MARCHF1: variants seen among roughly 807,000 people sequenced by gnomAD.
MARCHF1 encodes E3 ubiquitin-protein ligase MARCHF1.
MARCHF1 carries 40 observed loss-of-function variants against 54.2 expected under a neutral mutation model. The ratio of observed to expected loss-of-function variants is 0.74; its 90% confidence interval spans 0.57 to 0.96. The LOEUF (loss-of-function observed/expected upper bound fraction) is 0.96, where lower values mean the gene tolerates loss of function less well. Ranked by LOEUF, MARCHF1 falls within the 40% of genes least tolerant of loss-of-function variation. The pLI, the probability that MARCHF1 is intolerant of heterozygous loss-of-function variation, is 0.00. For synonymous variants in MARCHF1, 236 were observed against 236.3 expected (o/e 1.00, Z 0.01); for missense variants, 586 against 656.5 (o/e 0.89, Z 1.17).
At chr4:163,620,920 A>T (rs1361811505) in intron 5 of MARCHF1, among the ~76,000 whole-genome samples, 4 of 152,212 alleles carry the variant, frequency 2.6e-5, no homozygotes, top group African/African-American at 9.6e-5. Flanking sequence ...TTCTTTGGTC[A>T]CGTTGATGAT....
chr4:164,019,209 C>A (rs530273993), intron 2 of MARCHF1, among the ~76,000 whole-genome samples: 1 of 152,276 alleles, frequency 6.6e-6, no homozygotes, highest in African/African-American at 2.4e-5. Context: ...TCCTCTTTAG[C>A]TATAACACCT....
intron 3 of MARCHF1, among the ~76,000 whole-genome samples, chr4:163,873,088 CAAA>C (rs11445016): frequency 2.0e-4 from 30 of 150,644 alleles, no homozygotes; most frequent in Admixed American, 9.2e-4. Flanking sequence ...AACAAACAAA[CAAA>C]AAAAATGATG....
chr4:163,792,235 C>T (rs1172157931), intron 4 of MARCHF1, among the ~76,000 whole-genome samples: 1 of 152,090 alleles, frequency 6.6e-6, no homozygotes, highest in African/African-American at 2.4e-5. Context: ...TTTGTCTTCA[C>T]GTTCTTTTAG....
intron 2 of MARCHF1, among the ~76,000 whole-genome samples, chr4:164,091,416 A>G (rs1331266365): frequency 1.4e-5 from 2 of 146,298 alleles, no homozygotes; most frequent in African/African-American, 5.0e-5. Flanking sequence ...AGTTTTATAT[A>G]TATATATATA....
chr4:164,333,603 TCCTCCAACTCCGTC>T (rs1222881952), intron 1 of MARCHF1, among the ~76,000 whole-genome samples: 9 of 152,294 alleles, frequency 5.9e-5, no homozygotes, highest in African/African-American at 2.2e-4. Context: ...CTCTGACTAT[TCCTCCAACTCCGTC>T]CCTCTCCTCG....
At chr4:164,335,550 C>A (rs546650415) in intron 1 of MARCHF1, among the ~76,000 whole-genome samples, 1 of 150,060 alleles carries the variant, frequency 6.7e-6, no homozygotes. Flanking sequence ...CCACTGCACT[C>A]CAGCCTGAGC....
chr4:164,318,514 AAG>A (rs1735059513), intron 1 of MARCHF1, among the ~76,000 whole-genome samples: 2 of 122,466 alleles, frequency 1.6e-5, no homozygotes, highest in East Asian at 3.8e-4. Context: ...GCATCCTACA[AAG>A]AGAGAGAAAA....
intron 1 of MARCHF1, among the ~76,000 whole-genome samples, chr4:164,224,870 G>A (rs1287472544): frequency 6.6e-6 from 1 of 152,000 alleles, no homozygotes; most frequent in Non-Finnish European, 1.5e-5. Context: ...AACACGCTTT[G>A]ATGCTGAGTT....
chr4:164,065,571 A>C (rs1003172832), intron 2 of MARCHF1, among the ~76,000 whole-genome samples: 1 of 152,082 alleles, frequency 6.6e-6, no homozygotes, highest in Non-Finnish European at 1.5e-5. Context: ...GAACAGAACT[A>C]ATAGGATATA....
intron 7 of MARCHF1, among the ~76,000 whole-genome samples, chr4:163,611,174 T>C (rs1741327010): frequency 6.6e-6 from 1 of 152,202 alleles, no homozygotes; most frequent in African/African-American, 2.4e-5. Context: ...CAAATCTTAC[T>C]CACTATATTA....
chr4:163,652,670 C>T (rs1170089483), intron 5 of MARCHF1, among the ~76,000 whole-genome samples: 4 of 151,788 alleles, frequency 2.6e-5, no homozygotes, highest in South Asian at 2.1e-4. Flanking sequence ...GAACCTTGAC[C>T]GTATCTTTCA....
At chr4:163,727,291 G>A (rs961674595) in intron 4 of MARCHF1, among the ~76,000 whole-genome samples, 2 of 150,108 alleles carry the variant, frequency 1.3e-5, no homozygotes, top group Non-Finnish European at 1.5e-5. Context: ...TAGGGTTTCT[G>A]TTTAAATTCA....
intron 4 of MARCHF1, among the ~76,000 whole-genome samples, chr4:163,754,293 C>A (rs1746603226): frequency 6.6e-6 from 1 of 152,186 alleles, no homozygotes; most frequent in Non-Finnish European, 1.5e-5. Context: ...GGGCATCAGA[C>A]CTTCAGCTAG....
intron 7 of MARCHF1, among the ~76,000 whole-genome samples, chr4:163,607,994 A>T (rs1741199760): frequency 6.6e-6 from 1 of 152,124 alleles, no homozygotes; most frequent in Non-Finnish European, 1.5e-5. Context: ...TCCAACATAC[A>T]GTGCTATGAT....
intron 1 of MARCHF1, among the ~76,000 whole-genome samples, chr4:164,137,110 C>T (rs958953437): frequency 6.6e-6 from 1 of 152,152 alleles, no homozygotes; most frequent in East Asian, 1.9e-4. Flanking sequence ...ACATGCCAAG[C>T]TTTACCTTAG....
At chr4:164,176,960 CTCTCTCT>C (rs1225156317) in intron 1 of MARCHF1, among the ~76,000 whole-genome samples, 33 of 47,856 alleles carry the variant, frequency 6.9e-4, no homozygotes, top group Non-Finnish European at 1.1e-3. Flanking sequence ...CTCTCTCTCT[CTCTCTCT>C]CTCTCTCTCT....
chr4:163,671,176 A>G (rs918986024), intron 5 of MARCHF1, among the ~76,000 whole-genome samples: 1 of 152,210 alleles, frequency 6.6e-6, no homozygotes, highest in Admixed American at 6.5e-5. Context: ...ATGAATGAAA[A>G]CAACACTATC....
Position 164,274,659 on chromosome 4 carries a change from C to CTTCTTTTTTTTTTT in MARCHF1, c.-323+109210_-323+109211insAAAAAAAAAAAGAA, listed in dbSNP as rs1733826760. Among the ~76,000 whole-genome samples, 122 of 44,660 alleles carry CTTCTTTTTTTTTTT rather than the reference C, an allele frequency of 2.7e-3. 34 individuals carry two copies. The highest frequency in any genetic ancestry group is 0.015 in the Middle Eastern group (1 of 68). 29.3% of individuals were successfully genotyped at this position (44,660 alleles called of 152,430 possible). Reference sequence around the variant, plus strand: ...CGCTTGATGTGTGCTTCAGGGTACACTTTTTTTTTTTTTTTTTTTTTTTTT... The same window carrying CTTCTTTTTTTTTTT: ...CGCTTGATGTGTGCTTCAGGGTACACTTCTTTTTTTTTTTTTTTTTTTTTTTTTTTTTTTTTTTT... On this transcript the variant is annotated intron_variant, in intron 1 of 9. Transcript: ENST00000514618.
At chr4:164,200,597 T>C (rs1731425386) in intron 1 of MARCHF1, among the ~76,000 whole-genome samples, 2 of 152,226 alleles carry the variant, frequency 1.3e-5, no homozygotes, top group South Asian at 4.1e-4. Flanking sequence ...CAATTATCTT[T>C]CTTCAAAAAT....
Sources: allele counts gnomAD v4.1 joint callset (sites outside exome capture counted in the v4.1 genomes callset), GRCh38; gene constraint gnomAD v4.1.1; transcripts MANE v1.5; gene names NCBI Gene and HGNC (gene_info 2026-07-23, HGNC 2026-07-21).